Variants in HECTD2 observed in about 807,000 individuals in gnomAD.
HECTD2 encodes probable E3 ubiquitin-protein ligase HECTD2.
Under a neutral mutation model 103.2 loss-of-function variants are expected in HECTD2, and 35 were observed. The ratio of observed to expected loss-of-function variants is 0.34; its 90% CI spans 0.26 to 0.45. The LOEUF (loss-of-function observed/expected upper bound fraction) is 0.45. Ranked by LOEUF, HECTD2 falls within the 20% of genes least tolerant of loss-of-function variation. HECTD2 has a pLI of 1.00. For missense variants in HECTD2, 596 were observed against 937.4 expected, an observed-to-expected ratio of 0.64 and a Z score of 4.76; for synonymous variants, 281 against 329.9, an observed-to-expected ratio of 0.85 and a Z score of 1.61.
chr10:91,420,345 G>A (rs1444266291), intron 1 of HECTD2, among the ~76,000 whole-genome samples: 1 of 151,602 alleles, frequency 6.6e-6, no homozygotes, highest in Non-Finnish European at 1.5e-5. Flanking sequence ...CAGCACTTTG[G>A]GAGGCCGAGG....
chr10:91,435,303 G>A (rs1297969609), intron 2 of HECTD2, among the ~76,000 whole-genome samples: 1 of 151,882 alleles, frequency 6.6e-6, no homozygotes, highest in Non-Finnish European at 1.5e-5. Flanking sequence ...AGCTGCAGTT[G>A]AGACTATTAG....
chr10:91,499,265 C>T lies in HECTD2; in HGVS notation c.1950+115C>T, dbSNP rs373466176. On this transcript the variant is annotated intron_variant, in intron 18 of 20. Transcript: ENST00000298068. ...CTTTTAAAATAGAAAATATTTTCTA[C>T]TTTTTAAAAGTAGAACTAAAAACAA... 4 of 625,692 alleles carry T rather than the reference C, an allele frequency of 6.4e-6. No homozygotes were observed. In the East Asian group the frequency reaches 8.9e-5, roughly 14 times the overall value. The allele number at this position is 625,692 out of a possible 1,614,324, so 38.8% of individuals were successfully genotyped here.
rs1369476800 is a variant in HECTD2, at chr10:91,507,367, T to C, written c.2211-4897T>C. Among the ~76,000 whole-genome samples the C allele has an allele frequency of 3.9e-4, 59 of 151,630 alleles. 1 individual carries two copies. The South Asian group carries it at 7.5e-3, about 19-fold the overall frequency. On this transcript the variant is annotated intron_variant, in intron 20 of 20. Coordinates refer to ENST00000298068, the MANE Select transcript of HECTD2 (RefSeq NM_182765.6). The stretch of plus-strand genomic sequence containing the variant: ...TTTGCAGATGACATGATTGTATATC[T>C]AGAAAACCCCATTGTCTCAGCCCAA...
chr10:91,432,139 A>T lies in HECTD2; in HGVS notation c.268+6729A>T, dbSNP rs1408061037. Among the ~76,000 whole-genome samples, 12 of 152,038 alleles carry T rather than the reference A, an allele frequency of 7.9e-5. No homozygotes were observed. The East Asian group carries it at 2.3e-3, about 30-fold the overall frequency. The stretch of plus-strand genomic sequence containing the variant: ...TAGAAAGTTAGGCTACATCTTCCAA[A>T]TGTAAGCATGTTTATAGTTTCTTGA... On this transcript the variant is annotated intron_variant, in intron 2 of 20. Coordinates refer to ENST00000298068, the MANE Select transcript of HECTD2 (RefSeq NM_182765.6).
At chr10:91,430,571 G>T (rs571700648) in intron 2 of HECTD2, among the ~76,000 whole-genome samples, 1 of 152,074 alleles carries the variant, frequency 6.6e-6, no homozygotes, top group African/African-American at 2.4e-5. Context: ...TCCTGTGTTG[G>T]GTGCATATAT....
chr10:91,455,139 C>A (rs1471628425), intron 2 of HECTD2, among the ~76,000 whole-genome samples: 1 of 152,164 alleles, frequency 6.6e-6, no homozygotes, highest in East Asian at 1.9e-4. Context: ...CTTGAGGAAT[C>A]GCCACACTGT....
At chr10:91,482,450 A>C (rs921242392) in intron 7 of HECTD2, among the ~76,000 whole-genome samples, 1 of 151,858 alleles carries the variant, frequency 6.6e-6, no homozygotes, top group African/African-American at 2.4e-5. Flanking sequence ...GTTCTTTGTG[A>C]TATATGAGGC....
At chr10:91,499,276 T>G in intron 18 of HECTD2, 126 bp downstream of exon 18, 2 of 603,922 alleles carry the variant, frequency 3.3e-6, no homozygotes, top group Non-Finnish European at 5.5e-6. Flanking sequence ...TTTTTAAAAG[T>G]AGAACTAAAA....
intron 2 of HECTD2, among the ~76,000 whole-genome samples, chr10:91,450,428 G>A (rs1416634746): frequency 6.6e-6 from 1 of 152,096 alleles, no homozygotes; most frequent in Non-Finnish European, 1.5e-5. Flanking sequence ...AACTCTAGAA[G>A]AAAACCTAGG....
At chr10:91,453,782 T>C (rs1564714631) in intron 2 of HECTD2, among the ~76,000 whole-genome samples, 1 of 152,130 alleles carries the variant, frequency 6.6e-6, no homozygotes, top group African/African-American at 2.4e-5. Context: ...GTTTTCTATT[T>C]ATAAGAAATT....
At chr10:91,509,780 G>T (rs1203312746) in intron 20 of HECTD2, among the ~76,000 whole-genome samples, 1 of 152,072 alleles carries the variant, frequency 6.6e-6, no homozygotes, top group Non-Finnish European at 1.5e-5. Context: ...TACTTGAGCG[G>T]GTAGGGTGGG....
intron 2 of HECTD2, among the ~76,000 whole-genome samples, chr10:91,428,275 T>C (rs1335507366): frequency 6.6e-6 from 1 of 151,786 alleles, no homozygotes; most frequent in Non-Finnish European, 1.5e-5. Context: ...TTTTGGTTAC[T>C]GTAGCCTTGT....
chr10:91,500,369 T>C (rs1846853851), intron 18 of HECTD2, 133 bp from the exon 19 acceptor site: 1 of 439,364 alleles, frequency 2.3e-6, no homozygotes, highest in Admixed American at 3.8e-5. Flanking sequence ...AGAGTCGATT[T>C]TTCTTCAACA....
chr10:91,488,137 A>G (rs939084111), intron 11 of HECTD2: 1 of 158,080 alleles, frequency 6.3e-6, no homozygotes, highest in Non-Finnish European at 1.4e-5. Context: ...TCATTAGGCA[A>G]ACCACTCAAA....
At chr10:91,435,586 A>C (rs1006534050) in intron 2 of HECTD2, among the ~76,000 whole-genome samples, 2 of 151,982 alleles carry the variant, frequency 1.3e-5, no homozygotes, top group African/African-American at 4.8e-5. Flanking sequence ...TGCAGCTGCC[A>C]CCTCAGGCCG....
chr10:91,455,032 G>A (rs896376195), intron 2 of HECTD2, among the ~76,000 whole-genome samples: 24 of 152,116 alleles, frequency 1.6e-4, no homozygotes, highest in Non-Finnish European at 7.4e-5. Flanking sequence ...ATAAACATAC[G>A]TGTGCATGTG....
chr10:91,492,229 G>A, intron 12 of HECTD2, 123 bp from the exon 13 acceptor site: 1 of 851,290 alleles, frequency 1.2e-6, no homozygotes, highest in Non-Finnish European at 1.9e-6. Flanking sequence ...ATAAATGGAG[G>A]GATGGAGTTT....
chr10:91,501,119 C>T (rs914688507), intron 19 of HECTD2, 72 bp from the exon 20 acceptor site: 1 of 1,320,184 alleles, frequency 7.6e-7, no homozygotes, highest in African/African-American at 1.5e-5. Context: ...TTCCTTAGAG[C>T]TTCCTTTATA....
Position 91,514,233 on chromosome 10 carries a change from ATGTTTAATGATGTGCT to A in HECTD2, c.*1853_*1868del, listed in dbSNP as rs1265846975. ...GAAAAATTGTGTTGGCTTGGTCTGC[ATGTTTAATGATGTGCT>A]TGTATATCGATTAGCTGTGTCACTT... is the stretch of plus-strand genomic sequence containing the variant. On this transcript the variant is annotated 3_prime_UTR_variant, in exon 21 of 21. Transcript: ENST00000298068. 2 of 152,646 alleles carry A rather than the reference ATGTTTAATGATGTGCT, an allele frequency of 1.3e-5. No homozygotes were observed. Among genetic ancestry groups the A allele is most frequent in the African/African-American group, 4.8e-5 (2 of 41,456 alleles). 9.5% of individuals were successfully genotyped at this position (152,646 alleles called of 1,614,324 possible).
Sources: allele counts gnomAD v4.1 joint callset (sites outside exome capture counted in the v4.1 genomes callset), GRCh38; gene constraint gnomAD v4.1.1; transcripts MANE v1.5; gene names NCBI Gene and HGNC (gene_info 2026-07-23, HGNC 2026-07-21).